Variants in USP12 observed in about 807,000 individuals in gnomAD.
USP12 encodes the protein ubiquitin specific peptidase 12.
In USP12, 19 loss-of-function variants were observed where a neutral mutation model predicts 45.5. The observed-to-expected ratio is 0.42, with a 90% CI of 0.29 to 0.61. USP12 has a LOEUF of 0.61. Among genes scored for constraint, USP12 ranks in the 20% least tolerant of loss-of-function variants. USP12 has a pLI of 0.22. For missense variants in USP12, 242 were observed against 447.7 expected, an observed-to-expected ratio of 0.54 and a Z score of 4.15; for synonymous variants, 149 against 148.8, an observed-to-expected ratio of 1.00 and a Z score of -0.01.
intron 1 of USP12, among the ~76,000 whole-genome samples, 182 bp from the exon 2 acceptor site, chr13:27,116,778 G>A (rs189093218): frequency 6.2e-4 from 94 of 151,694 alleles, no homozygotes; most frequent in African/African-American, 2.2e-3. Flanking sequence ...GTTTAGATAT[G>A]TTCAGATGCA....
At chr13:27,076,029 C>CAAAAAA (rs11458818) in intron 6 of USP12, among the ~76,000 whole-genome samples, 2 of 98,042 alleles carry the variant, frequency 2.0e-5, no homozygotes, top group African/African-American at 4.3e-5. Context: ...GGCTCCGTCT[C>CAAAAAA]AAAAAAAAAA....
intron 1 of USP12, among the ~76,000 whole-genome samples, chr13:27,163,521 T>C (rs140243624): frequency 1.4e-3 from 217 of 152,200 alleles, no homozygotes; most frequent in African/African-American, 5.0e-3. Context: ...CTTATACCAA[T>C]AAGAAAAACA....
In USP12 at chr13:27,069,266, T is replaced by C. The variant is rs1244109002; in HGVS notation, c.*17A>G. The stretch of plus-strand genomic sequence containing the variant: ...GAAGAAATGAGGCAGAAAGTGTCTC[T>C]TCATCACGGTTCCCTCTCAGTCCCG... On this transcript the variant is annotated 3_prime_UTR_variant, in exon 9 of 9. Transcript: ENST00000282344. 1 of 1,588,826 alleles carries C rather than the reference T, an allele frequency of 6.3e-7. No individual in the cohort carries two copies. The highest frequency in any genetic ancestry group is 1.7e-5 in the Admixed American group (1 of 59,972).
At chr13:27,171,519 A>C in intron 1 of USP12, 73 bp downstream of exon 1, 4 of 493,970 alleles carry the variant, frequency 8.1e-6, no homozygotes, top group Non-Finnish European at 1.0e-5. Flanking sequence ...GGCCACTGGG[A>C]GAGGCGGGTC....
rs57318848 is a variant in USP12, at chr13:27,102,011, T to TAATGAATGAATG, written c.343+3708_343+3719dup. ...ATAATGAGATGTATTTCCCATTTTT[T>TAATGAATGAATG]AATGAATGAATGAATGAATGAATGA... On this transcript the variant is annotated intron_variant, in intron 3 of 8. Coordinates refer to ENST00000282344, the MANE Select transcript of USP12 (RefSeq NM_182488.4). 6.7e-3 allele frequency among the ~76,000 whole-genome samples: 1,013 copies of TAATGAATGAATG among 151,728 alleles called. 6 individuals carry two copies. The highest frequency in any genetic ancestry group is 8.5e-3 in the African/African-American group (351 of 41,184).
chr13:27,135,415 G>C (rs951066829), intron 1 of USP12, among the ~76,000 whole-genome samples: 1 of 152,068 alleles, frequency 6.6e-6, no homozygotes, highest in Non-Finnish European at 1.5e-5. Context: ...AAACGTTTAA[G>C]TATTGGGTCT....
intron 4 of USP12, among the ~76,000 whole-genome samples, chr13:27,090,989 A>G (rs1034315524): frequency 2.0e-5 from 3 of 152,160 alleles, no homozygotes; most frequent in African/African-American, 7.2e-5. Flanking sequence ...GGGAGTTCCA[A>G]TGGTGATTTT....
chr13:27,140,068 AACAT>A (rs1327553409), intron 1 of USP12, among the ~76,000 whole-genome samples: 1 of 152,244 alleles, frequency 6.6e-6, no homozygotes, highest in Non-Finnish European at 1.5e-5. Flanking sequence ...TACACTATGC[AACAT>A]AAAAAGCTAT....
chr13:27,166,850 CTAG>C (rs1401553927), intron 1 of USP12, among the ~76,000 whole-genome samples: 1 of 152,130 alleles, frequency 6.6e-6, no homozygotes, highest in Non-Finnish European at 1.5e-5. Context: ...TGTCAACGCC[CTAG>C]TACCCTACCA....
intron 1 of USP12, among the ~76,000 whole-genome samples, chr13:27,132,077 C>CGG (rs976800812): frequency 9.9e-5 from 15 of 152,142 alleles, no homozygotes; most frequent in African/African-American, 3.6e-4. Flanking sequence ...GTAAGAAATC[C>CGG]GGGCTATGAA....
chr13:27,084,175 C>T (rs1436801751), intron 6 of USP12, among the ~76,000 whole-genome samples: 2 of 6,244 alleles, frequency 3.2e-4, no homozygotes, highest in African/African-American at 5.3e-4. Flanking sequence ...TGCATACACA[C>T]ACACACACAC....
chr13:27,148,814 A>ACACACACACACACACACACACACACAC (rs1555238422), intron 1 of USP12, among the ~76,000 whole-genome samples: 17 of 150,934 alleles, frequency 1.1e-4, no homozygotes, highest in Middle Eastern at 3.4e-3. Flanking sequence ...ACACACACAC[A>ACACACACACACACACACACACACACAC]AAAATCAGGT....
chr13:27,158,492 CAT>C (rs1415497650), intron 1 of USP12, among the ~76,000 whole-genome samples: 1 of 152,184 alleles, frequency 6.6e-6, no homozygotes, highest in Non-Finnish European at 1.5e-5. Flanking sequence ...GTGCGTATGT[CAT>C]AGAGTGTACT....
intron 6 of USP12, among the ~76,000 whole-genome samples, chr13:27,087,319 G>C (rs1467755216): frequency 6.6e-6 from 1 of 152,060 alleles, no homozygotes; most frequent in African/African-American, 2.4e-5. Flanking sequence ...AGCGGGGGCA[G>C]GAAGGCAGAG....
At chr13:27,084,010 G>A (rs1873886727) in intron 6 of USP12, among the ~76,000 whole-genome samples, 1 of 151,636 alleles carries the variant, frequency 6.6e-6, no homozygotes, top group African/African-American at 2.4e-5. Flanking sequence ...GATTACAGGC[G>A]CCTGCCACCA....
intron 1 of USP12, among the ~76,000 whole-genome samples, chr13:27,132,388 A>T (rs1876543615): frequency 6.6e-6 from 1 of 152,198 alleles, no homozygotes; most frequent in Non-Finnish European, 1.5e-5. Flanking sequence ...TTACTAGCAA[A>T]ACATAAAATA....
intron 2 of USP12, among the ~76,000 whole-genome samples, chr13:27,107,497 G>A (rs568886787): frequency 5.9e-5 from 9 of 152,196 alleles, no homozygotes; most frequent in Admixed American, 2.6e-4. Flanking sequence ...TAAAAGCCTT[G>A]TAAACTTCAG....
intron 4 of USP12, among the ~76,000 whole-genome samples, chr13:27,092,480 G>A (rs545680603): frequency 2.6e-5 from 4 of 152,026 alleles, no homozygotes; most frequent in South Asian, 2.1e-4. Flanking sequence ...CTAAAGCTAC[G>A]GTAATCAAGA....
chr13:27,076,765 T>C (rs1398610307), intron 6 of USP12, among the ~76,000 whole-genome samples: 1 of 152,186 alleles, frequency 6.6e-6, no homozygotes, highest in Non-Finnish European at 1.5e-5. Context: ...AATCATTTTA[T>C]AACATTATAC....
Sources: gnomAD v4.1 joint callset for allele counts (sites outside exome capture counted in the v4.1 genomes callset) on GRCh38, gnomAD v4.1.1 for gene constraint, MANE v1.5 for transcripts, NCBI Gene and HGNC (gene_info 2026-07-23, HGNC 2026-07-21) for gene names.